Variants in ADSS1 observed in about 807,000 individuals in gnomAD.
ADSS1 encodes adenylosuccinate synthetase isozyme 1.
ADSS1 carries 57 observed loss-of-function variants against 59.1 expected under a neutral mutation model. That is an observed-to-expected ratio of 0.97 (90% CI 0.78 to 1.20). The LOEUF (loss-of-function observed/expected upper bound fraction) is 1.20, where lower values mean the gene tolerates loss of function less well. Ranked by LOEUF, ADSS1 falls within the 50% of genes most tolerant of loss-of-function variation. The probability of loss-of-function intolerance (pLI) is 0.00; values close to 1 mark genes in which losing one functional copy is unlikely to be tolerated. For missense variants in ADSS1, 603 were observed against 610.3 expected (o/e 0.99, Z 0.13); for synonymous variants, 247 against 249.4 (o/e 0.99, Z 0.09).
intron 2 of ADSS1, chr14:104,737,006 C>T (rs1278504744): frequency 6.6e-6 from 1 of 151,200 alleles, no homozygotes; most frequent in Admixed American, 6.6e-5. Flanking sequence ...CTCAGCATCA[C>T]AAAATGTTGG....
chr14:104,736,881 G>GATTTTATATATATATATATAT (rs1254196679), intron 2 of ADSS1, among the ~76,000 whole-genome samples: 1 of 106,600 alleles, frequency 9.4e-6, no homozygotes, highest in African/African-American at 3.6e-5. Context: ...GCACCTAGCT[G>GATTTTATATATATATATATAT]ATATATATAT....
chr14:104,740,949 G>A lies in ADSS1; in HGVS notation c.666+29G>A. On this transcript the variant is annotated intron_variant, in intron 7 of 12. Coordinates refer to ENST00000330877, the MANE Select transcript of ADSS1 (RefSeq NM_152328.5). This position sits in a 1 kb window ranked among gnomAD's most constrained non-coding sequence, Gnocchi z 4.8. ...AAGTCGGGGCCGCAGTGTGGGGGCT[G>A]CGGAAGTGCTCCTCCAGGGAGGCTG... 7.4e-6 allele frequency: 12 copies of A among 1,613,592 alleles called. No individual in the cohort carries two copies. Among genetic ancestry groups the A allele is most frequent in the Non-Finnish European group, 9.3e-6 (11 of 1,179,762 alleles).
chr14:104,741,013 C>T (rs1595209692), intron 7 of ADSS1, 93 bp downstream of exon 7: 2 of 1,604,174 alleles, frequency 1.2e-6, no homozygotes, highest in East Asian at 2.2e-5. Flanking sequence ...CCTTGGGGCA[C>T]ACCTGATACT....
chr14:104,730,393 G>A (rs1205253653), intron 1 of ADSS1, among the ~76,000 whole-genome samples: 1 of 152,120 alleles, frequency 6.6e-6, no homozygotes, highest in Non-Finnish European at 1.5e-5. Context: ...GGGAGGGTGA[G>A]GTGGTAGAAT....
At position 104,740,313 on chromosome 14, in the gene ADSS1, CAT is replaced by C. The variant is rs1201650116; in HGVS notation, c.477-287_477-286del. Among the ~76,000 whole-genome samples, 4 of 152,072 alleles carry C rather than the reference CAT, an allele frequency of 2.6e-5. No individual in the cohort carries two copies. The highest frequency in any genetic ancestry group is 4.1e-4 in the South Asian group (2 of 4,820). On this transcript the variant is annotated intron_variant, in intron 5 of 12. Transcript: ENST00000330877. The surrounding 1 kb of genome is among the most constrained non-coding windows in gnomAD (Gnocchi z 4.8). ...CCACGCATGCTCGCACAGTTATGCACATGTGCACACGCCACACAAGCCCACAC... is the reference window on the plus strand; with the variant it reads ...CCACGCATGCTCGCACAGTTATGCACGTGCACACGCCACACAAGCCCACAC...
intron 9 of ADSS1, among the ~76,000 whole-genome samples, chr14:104,742,266 C>T (rs369648704): frequency 6.6e-6 from 1 of 152,274 alleles, no homozygotes; most frequent in African/African-American, 2.4e-5. Flanking sequence ...TCGTTCCCCT[C>T]GGAGTGTGTG....
chr14:104,725,520 T>C (rs1389864468), intron 1 of ADSS1, among the ~76,000 whole-genome samples: 2 of 151,918 alleles, frequency 1.3e-5, no homozygotes, highest in Non-Finnish European at 2.9e-5. Context: ...GGCTCAGGGC[T>C]GTCCGAGCCC....
rs1171385843 is a variant in ADSS1 at position 104,730,075 on chromosome 14, C to G, written c.193-4945C>G. On this transcript the variant is annotated intron_variant, in intron 1 of 12. Coordinates refer to ENST00000330877, the MANE Select transcript of ADSS1 (RefSeq NM_152328.5). ...CAGCTCAGCCCACCCCTCACCTTCC[C>G]AGTGCCTGTGGAGGCCCAACTAGGG... is the stretch of plus-strand genomic sequence containing the variant. 1 of 1,560,644 alleles carries G rather than the reference C, an allele frequency of 6.4e-7. No homozygotes were observed. Among genetic ancestry groups the G allele is most frequent in the Admixed American group, 1.9e-5 (1 of 53,036 alleles).
At chr14:104,729,478 T>C (rs1196787245) in intron 1 of ADSS1, among the ~76,000 whole-genome samples, 1 of 144,506 alleles carries the variant, frequency 6.9e-6, no homozygotes, top group African/African-American at 2.5e-5. Flanking sequence ...CAGCATGGCG[T>C]CGGCGTGGGA....
chr14:104,734,897 C>T, intron 1 of ADSS1, 123 bp from the exon 2 acceptor site: 1 of 779,262 alleles, frequency 1.3e-6, no homozygotes, highest in Non-Finnish European at 2.2e-6. Context: ...GCCACCAAAC[C>T]AGACACCCCA....
Position 104,724,300 on chromosome 14 carries a change from GC to G in ADSS1, c.36del (p.Gly13AlafsTer21), listed in dbSNP as rs781559734. MSGTRASNDR[P>X]PGAGGVKRGR... The stretch of plus-strand genomic sequence containing the variant: ...CGGGGACCCGAGCCTCCAACGACCG[GC>G]CCCCCGGCGCAGGCGGCGTCAAGCG... On this transcript the variant is annotated frameshift_variant, in exon 1 of 13. Coordinates refer to ENST00000330877, the MANE Select transcript of ADSS1 (RefSeq NM_152328.5). LOFTEE classifies it high-confidence loss of function. 9 of 1,233,200 alleles carry G rather than the reference GC, an allele frequency of 7.3e-6. No individual in the cohort carries two copies. Among genetic ancestry groups the G allele is most frequent in the Non-Finnish European group, 3.0e-6 (3 of 986,574 alleles). 76.4% of individuals were successfully genotyped at this position (1,233,200 alleles called of 1,614,324 possible). A position where few individuals can be genotyped will look rare whatever the true frequency, so the allele number is the denominator to read the frequency against.
chr14:104,724,545 C>G, intron 1 of ADSS1, 83 bp downstream of exon 1: 1 of 1,226,828 alleles, frequency 8.2e-7, no homozygotes, highest in Non-Finnish European at 1.0e-6. Context: ...TCCTCCCATG[C>G]CCTGGCCGGT....
At position 104,740,134 on chromosome 14, in the gene ADSS1, G is replaced by A. The variant is rs1891287954; in HGVS notation, c.476+318G>A. On this transcript the variant is annotated intron_variant, in intron 5 of 12. Coordinates refer to ENST00000330877, the MANE Select transcript of ADSS1 (RefSeq NM_152328.5). The surrounding 1 kb of genome is among the most constrained non-coding windows in gnomAD (Gnocchi z 4.8). Reference sequence around the variant, plus strand: ...CACACGGCCCCAGGGAAGACACGAGGAACACTAAAGCAGTTTAGTAGAACC... The same window carrying A: ...CACACGGCCCCAGGGAAGACACGAGAAACACTAAAGCAGTTTAGTAGAACC... Among the ~76,000 whole-genome samples the A allele has an allele frequency of 6.6e-6, 1 of 152,092 alleles. No individual in the cohort carries two copies. Among genetic ancestry groups the A allele is most frequent in the African/African-American group, 2.4e-5 (1 of 41,396 alleles).
intron 1 of ADSS1, chr14:104,730,020 G>C: frequency 6.3e-7 from 1 of 1,592,024 alleles, no homozygotes; most frequent in Admixed American, 1.7e-5. Flanking sequence ...CCTCCAAGGA[G>C]TCTCCAGTTA....
In ADSS1 at chr14:104,730,069, C is replaced by T. The variant is rs752532660; in HGVS notation, c.193-4951C>T. ...CCGTGCCAGCTCAGCCCACCCCTCA[C>T]CTTCCCAGTGCCTGTGGAGGCCCAA... is the stretch of plus-strand genomic sequence containing the variant. On this transcript the variant is annotated intron_variant, in intron 1 of 12. Transcript: ENST00000330877. 1.5e-5 allele frequency: 24 copies of T among 1,563,160 alleles called. No individual in the cohort carries two copies. The Admixed American group carries it at 4.5e-4, about 29-fold the overall frequency.
rs146322396 is a variant in ADSS1 at position 104,746,984 on chromosome 14, C to G, written c.1355C>G (p.Ser452Trp). 3 of 1,613,888 alleles carry G rather than the reference C, an allele frequency of 1.9e-6. No individual in the cohort carries two copies. The highest frequency in any genetic ancestry group is 2.5e-6 in the Non-Finnish European group (3 of 1,179,926). ...GTTGGTGTTGGCAAGTCAAGAGAGT[C>G]GATGATCCAGCTGTTTTAGTCACAG... ...KWVGVGKSRE[S>W]MIQLF The change falls in exon 13 of 13, where the codon TCG becomes TGG. Residue 452 changes from serine (S) to tryptophan (W), a missense_variant. Transcript: ENST00000330877.
chr14:104,739,895 C>A, intron 5 of ADSS1, 79 bp downstream of exon 5: 1 of 1,490,244 alleles, frequency 6.7e-7, no homozygotes, highest in Admixed American at 1.7e-5. Context: ...GTGTCTGGTC[C>A]TGGGCACAAC....
In ADSS1 at chr14:104,741,280, G is replaced by T. The variant is rs762428887; in HGVS notation, c.793+37G>T. On this transcript the variant is annotated intron_variant, in intron 8 of 12. Transcript: ENST00000330877. Reference sequence around the variant, plus strand: ...AGGGTGTGCGTGCCAACGACCTTTCGTGCCTGCCAGGGAAGACCCAGCTGC... The same window carrying T: ...AGGGTGTGCGTGCCAACGACCTTTCTTGCCTGCCAGGGAAGACCCAGCTGC... The T allele has an allele frequency of 2.0e-6, 3 of 1,523,028 alleles. No individual in the cohort carries two copies. The Admixed American group carries it at 6.3e-5, about 32-fold the overall frequency. 94.3% of individuals were successfully genotyped at this position (1,523,028 alleles called of 1,614,324 possible). A position where few individuals can be genotyped will look rare whatever the true frequency, so the allele number is the denominator to read the frequency against.
intron 3 of ADSS1, 140 bp from the exon 4 acceptor site, chr14:104,739,188 A>G (rs1034415149): frequency 3.7e-6 from 3 of 819,670 alleles, no homozygotes; most frequent in Non-Finnish European, 5.8e-6. Flanking sequence ...TTGCTGCGCA[A>G]CAGAGGTGGC....
Sources: allele counts gnomAD v4.1 joint callset (sites outside exome capture counted in the v4.1 genomes callset), GRCh38; gene constraint gnomAD v4.1.1; non-coding constraint Gnocchi (gnomAD v3.1); transcripts MANE v1.5; gene names NCBI Gene and HGNC (gene_info 2026-07-23, HGNC 2026-07-21).